PAPOLA: variants seen among roughly 807,000 people sequenced by gnomAD.
The protein encoded by PAPOLA is polynucleotide adenylyltransferase alpha.
A neutral mutation model predicts 100.6 loss-of-function variants in PAPOLA; 15 were observed. The observed-to-expected ratio is 0.15, with a 90% CI of 0.10 to 0.23. The LOEUF (loss-of-function observed/expected upper bound fraction) is 0.23. PAPOLA is among the 10% of genes least tolerant of loss of function. The probability of loss-of-function intolerance (pLI) is 1.00; values close to 1 mark genes in which losing one functional copy is unlikely to be tolerated. For synonymous variants in PAPOLA, 293 were observed against 300.0 expected (o/e 0.98, Z 0.24); for missense variants, 533 against 884.2 (o/e 0.60, Z 5.04).
At chr14:96,514,218 GC>G (rs1897288248) in intron 1 of PAPOLA, among the ~76,000 whole-genome samples, 1 of 141,076 alleles carries the variant, frequency 7.1e-6, no homozygotes, top group South Asian at 2.2e-4. Flanking sequence ...CTGTTCTGTT[GC>G]CCAGGCTGGA....
intron 4 of PAPOLA, chr14:96,525,943 A>G (rs926269224): frequency 6.6e-6 from 1 of 152,308 alleles, no homozygotes; most frequent in Non-Finnish European, 1.5e-5. Flanking sequence ...CACCAGAAGA[A>G]TATCACTCTG....
intron 1 of PAPOLA, among the ~76,000 whole-genome samples, chr14:96,512,663 C>G (rs1897182520): frequency 6.6e-6 from 1 of 152,206 alleles, no homozygotes; most frequent in Non-Finnish European, 1.5e-5. Flanking sequence ...TCTCCTGATA[C>G]ACATGCTGCT....
intron 11 of PAPOLA, among the ~76,000 whole-genome samples, 194 bp downstream of exon 11, chr14:96,536,193 A>G (rs377387329): frequency 1.6e-3 from 249 of 152,274 alleles, no homozygotes; most frequent in Middle Eastern, 6.8e-3. Flanking sequence ...TGTTTTTTAT[A>G]ACAAGTTGGA....
rs371803579 is a variant in PAPOLA at position 96,516,531 on chromosome 14, T to C, written c.9-3524T>C. Among the ~76,000 whole-genome samples the C allele has an allele frequency of 1.6e-4, 24 of 152,238 alleles. No individual in the cohort carries two copies. The South Asian group carries it at 5.0e-3, about 32-fold the overall frequency. ...TTTTTATTTTTCATAGAGATGGGTG[T>C]CTTGCTGTGTTGCCCAGGCTGGTCT... On this transcript the variant is annotated intron_variant, in intron 1 of 21. Coordinates refer to ENST00000216277, the MANE Select transcript of PAPOLA (RefSeq NM_032632.5).
At chr14:96,528,299 C>G (rs1333681964) in intron 6 of PAPOLA, among the ~76,000 whole-genome samples, 2 of 152,156 alleles carry the variant, frequency 1.3e-5, no homozygotes, top group Non-Finnish European at 2.9e-5. Context: ...GTTTTGTGTG[C>G]TTTTAGTCTC....
intron 15 of PAPOLA, 149 bp downstream of exon 15, chr14:96,544,407 T>C: frequency 5.4e-6 from 3 of 554,176 alleles, no homozygotes; most frequent in Non-Finnish European, 6.4e-6. Context: ...ATTAGTCTAA[T>C]ACAGATTGAG....
In PAPOLA at chr14:96,522,112, C is replaced by CTTTTTTTTTTT. The variant is rs1350167869; in HGVS notation, c.249+1043_249+1044insTTTTTTTTTTT. On this transcript the variant is annotated intron_variant, in intron 3 of 21. Coordinates refer to ENST00000216277, the MANE Select transcript of PAPOLA (RefSeq NM_032632.5). ...GCCACTGCATCTAGCCTCTTTCTTT[C>CTTTTTTTTTTT]TTTCTTTTTTTTTTTTTTTTTTTTT... is the stretch of plus-strand genomic sequence containing the variant. Among the ~76,000 whole-genome samples, 40 of 98,696 alleles carry CTTTTTTTTTTT rather than the reference C, an allele frequency of 4.1e-4. 3 individuals are homozygous for CTTTTTTTTTTT. The highest frequency in any genetic ancestry group is 6.3e-3 in the Middle Eastern group (1 of 160). 64.7% of individuals were successfully genotyped at this position (98,696 alleles called of 152,430 possible). A position where few individuals can be genotyped will look rare whatever the true frequency, so the allele number is the denominator to read the frequency against.
At position 96,502,545 on chromosome 14, in the gene PAPOLA, C is replaced by T; in HGVS notation, c.-48C>T. The T allele has an allele frequency of 6.8e-7, 1 of 1,465,002 alleles. No individual in the cohort carries two copies. 90.8% of individuals were successfully genotyped at this position (1,465,002 alleles called of 1,614,324 possible). The stretch of plus-strand genomic sequence containing the variant: ...TGGATCATGCCCAGGGCGGCAGCGG[C>T]GGCGGTTGCGGGGGGGAAGTGACTG... On this transcript the variant is annotated 5_prime_UTR_variant, in exon 1 of 22. Transcript: ENST00000216277.
chr14:96,540,975 C>T (rs1470440882), intron 12 of PAPOLA, among the ~76,000 whole-genome samples: 2 of 152,142 alleles, frequency 1.3e-5, no homozygotes, highest in Admixed American at 6.5e-5. Flanking sequence ...CTGCAAGCTC[C>T]GCCTCCTGGG....
chr14:96,557,423 C>T (rs1209137696), intron 19 of PAPOLA, among the ~76,000 whole-genome samples: 1 of 152,134 alleles, frequency 6.6e-6, no homozygotes, highest in East Asian at 1.9e-4. Context: ...TAAAACTGTA[C>T]ATTGATTTCG....
At position 96,565,055 on chromosome 14, in the gene PAPOLA, A is replaced by G. The variant is rs754068524; in HGVS notation, c.*5A>G. ...AAACTGAGATTGAATCGGTAAAAACAACCTCAGGGGTCCATAAACAATATC... is the reference window on the plus strand; with the variant it reads ...AAACTGAGATTGAATCGGTAAAAACGACCTCAGGGGTCCATAAACAATATC... On this transcript the variant is annotated 3_prime_UTR_variant, in exon 22 of 22. Transcript: ENST00000216277. 7.0e-7 allele frequency: 1 copy of G among 1,429,208 alleles called. No homozygotes were observed. Among genetic ancestry groups the G allele is most frequent in the South Asian group, 1.1e-5 (1 of 87,288 alleles). The allele number at this position is 1,429,208 out of a possible 1,614,324, so 88.5% of individuals were successfully genotyped here.
intron 18 of PAPOLA, 100 bp from the exon 19 acceptor site, chr14:96,556,075 T>G (rs1219577138): frequency 8.3e-7 from 1 of 1,205,618 alleles, no homozygotes; most frequent in Non-Finnish European, 1.2e-6. Context: ...TTTTTGCATG[T>G]AAAGTTATTC....
In PAPOLA at chr14:96,555,831, ATTTT is replaced by A; in HGVS notation, c.1665-6_1665-3del. Reference sequence around the variant, plus strand: ...TTTTTAAATTTTGAGACAATTTTTAATTTTTTTTTTTTTAGCAGAAACAGTCCTG... The same window carrying A: ...TTTTTAAATTTTGAGACAATTTTTAATTTTTTTTTAGCAGAAACAGTCCTG... On this transcript the variant is annotated splice_polypyrimidine_tract_variant and intron_variant, in intron 17 of 21. Coordinates refer to ENST00000216277, the MANE Select transcript of PAPOLA (RefSeq NM_032632.5). 1 of 1,061,506 alleles carries A rather than the reference ATTTT, an allele frequency of 9.4e-7. No homozygotes were observed. The highest frequency in any genetic ancestry group is 1.3e-6 in the Non-Finnish European group (1 of 764,852). 65.8% of individuals were successfully genotyped at this position (1,061,506 alleles called of 1,614,324 possible).
intron 3 of PAPOLA, among the ~76,000 whole-genome samples, chr14:96,522,894 T>C (rs1380182264): frequency 1.3e-5 from 2 of 152,148 alleles, no homozygotes; most frequent in East Asian, 3.9e-4. Context: ...ATCTATAATA[T>C]AACTGAAAGG....
chr14:96,510,419 CTT>C (rs766854463), intron 1 of PAPOLA, among the ~76,000 whole-genome samples: 11 of 125,898 alleles, frequency 8.7e-5, no homozygotes, highest in Non-Finnish European at 6.9e-5. Flanking sequence ...TACAATTTGG[CTT>C]TTTTTTTTTT....
At chr14:96,529,775 C>A (rs1165127620) in intron 6 of PAPOLA, among the ~76,000 whole-genome samples, 1 of 152,064 alleles carries the variant, frequency 6.6e-6, no homozygotes, top group Non-Finnish European at 1.5e-5. Context: ...GGCTTGTTTA[C>A]AGCGACATCC....
intron 20 of PAPOLA, 52 bp from the exon 21 acceptor site, chr14:96,562,767 T>G (rs1472030393): frequency 1.4e-5 from 16 of 1,114,090 alleles, no homozygotes; most frequent in Non-Finnish European, 2.0e-5. Flanking sequence ...TTATGTTCTT[T>G]TATTCTTTTT....
intron 1 of PAPOLA, among the ~76,000 whole-genome samples, chr14:96,512,320 G>A (rs757975667): frequency 2.6e-5 from 4 of 151,782 alleles, no homozygotes; most frequent in African/African-American, 9.7e-5. Flanking sequence ...AGGGAGGATC[G>A]CCTGAGCTCA....
chr14:96,518,042 A>G (rs760958994), intron 1 of PAPOLA, among the ~76,000 whole-genome samples: 9 of 152,178 alleles, frequency 5.9e-5, no homozygotes, highest in Non-Finnish European at 1.2e-4. Flanking sequence ...GGGGATTAAC[A>G]TAGCTTTTGA....
Sources: gnomAD v4.1 joint callset for allele counts (sites outside exome capture counted in the v4.1 genomes callset) on GRCh38, gnomAD v4.1.1 for gene constraint, MANE v1.5 for transcripts, NCBI Gene and HGNC (gene_info 2026-07-23, HGNC 2026-07-21) for gene names.